DSCAML1: variants seen among roughly 807,000 people sequenced by gnomAD.
DSCAML1 encodes DS cell adhesion molecule like 1.
DSCAML1 carries 38 observed loss-of-function variants against 200.5 expected under a neutral mutation model. The observed-to-expected ratio is 0.19, with a 90% confidence interval of 0.15 to 0.25. DSCAML1 has a LOEUF of 0.25. DSCAML1 is among the 10% of genes least tolerant of loss of function. DSCAML1 has a pLI of 1.00. For missense variants in DSCAML1, 2,223 were observed against 2,858.8 expected (o/e 0.78, Z 5.07); for synonymous variants, 1,215 against 1,165.0 (o/e 1.04, Z -0.87).
At chr11:117,478,572 G>A (rs78106373) in intron 14 of DSCAML1, among the ~76,000 whole-genome samples, 2,188 of 152,232 alleles carry the variant, frequency 0.014, 35 homozygotes, top group East Asian at 0.065. Context: ...AGTCTCCCCC[G>A]GGAGCTCAGA....
At chr11:117,664,043 TGGCTCCCAGC>T (rs1350548882) in intron 3 of DSCAML1, among the ~76,000 whole-genome samples, 1 of 152,084 alleles carries the variant, frequency 6.6e-6, no homozygotes. Flanking sequence ...GAAAATGCCG[TGGCTCCCAGC>T]AGCCGGGAGG....
At chr11:117,614,796 C>A (rs918747114) in intron 3 of DSCAML1, among the ~76,000 whole-genome samples, 2 of 152,146 alleles carry the variant, frequency 1.3e-5, no homozygotes, top group African/African-American at 4.8e-5. Context: ...GGGAAGTTGA[C>A]CTGCAACAAT....
At chr11:117,750,499 A>G (rs531610568) in intron 3 of DSCAML1, among the ~76,000 whole-genome samples, 1 of 152,152 alleles carries the variant, frequency 6.6e-6, no homozygotes, top group Non-Finnish European at 1.5e-5. Flanking sequence ...TTGGGCAGAG[A>G]AGGATAAACA....
At chr11:117,703,992 G>A (rs1045468639) in intron 3 of DSCAML1, among the ~76,000 whole-genome samples, 1 of 152,154 alleles carries the variant, frequency 6.6e-6, no homozygotes, top group African/African-American at 2.4e-5. Context: ...GAAAATGAGA[G>A]TTTGGAGATT....
At chr11:117,614,425 T>G (rs1402387382) in intron 3 of DSCAML1, among the ~76,000 whole-genome samples, 1 of 152,120 alleles carries the variant, frequency 6.6e-6, no homozygotes, top group Non-Finnish European at 1.5e-5. Context: ...GTGTGGCCAT[T>G]TGGATTTTTA....
chr11:117,685,383 C>T (rs573497812), intron 3 of DSCAML1, among the ~76,000 whole-genome samples: 85 of 152,316 alleles, frequency 5.6e-4, no homozygotes, highest in African/African-American at 1.9e-3. Context: ...TTCCTTACCT[C>T]CTCTCCCTAC....
intron 3 of DSCAML1, among the ~76,000 whole-genome samples, chr11:117,537,664 C>A (rs571631421): frequency 6.6e-6 from 1 of 152,258 alleles, no homozygotes; most frequent in Non-Finnish European, 1.5e-5. Context: ...TAGATTGAGC[C>A]CTGAGTTCTA....
intron 4 of DSCAML1, among the ~76,000 whole-genome samples, chr11:117,531,182 A>T (rs1286079660): frequency 1.3e-5 from 2 of 152,148 alleles, no homozygotes; most frequent in East Asian, 1.9e-4. Context: ...TGACCTCAGC[A>T]TGGGTATGGG....
rs148493811 is a variant in DSCAML1 at position 117,554,074 on chromosome 11, T to G, written c.512-21552A>C. ...ACACAAAGGGACAAATACTGTATGATTCTACTTATGTGAGGTCCCTAGAGT... is the reference window on the plus strand; with the variant it reads ...ACACAAAGGGACAAATACTGTATGAGTCTACTTATGTGAGGTCCCTAGAGT... On this transcript the variant is annotated intron_variant, in intron 3 of 32. Coordinates refer to ENST00000651296, the MANE Select transcript of DSCAML1 (RefSeq NM_020693.4). Among the ~76,000 whole-genome samples, 388 of 152,380 alleles carry G rather than the reference T, an allele frequency of 2.5e-3. 3 individuals are homozygous for G. Among genetic ancestry groups the G allele is most frequent in the African/African-American group, 9.0e-3 (376 of 41,584 alleles).
chr11:117,758,095 A>G (rs12282602), intron 3 of DSCAML1, among the ~76,000 whole-genome samples: 8,342 of 152,106 alleles, frequency 0.055, 280 homozygotes, highest in Non-Finnish European at 0.069. Context: ...AAGGTCAGGA[A>G]TTCAAGACCA....
chr11:117,509,302 G>A (rs1251556748), intron 8 of DSCAML1, among the ~76,000 whole-genome samples: 2 of 152,098 alleles, frequency 1.3e-5, no homozygotes, highest in Non-Finnish European at 1.5e-5. Context: ...CTGAGCCAAG[G>A]GGCTGTCATT....
chr11:117,781,161 C>T (rs1034165156), intron 1 of DSCAML1, among the ~76,000 whole-genome samples: 4 of 151,756 alleles, frequency 2.6e-5, no homozygotes, highest in Admixed American at 1.3e-4. Flanking sequence ...GCCGTGCACA[C>T]GCGTCTGTAG....
chr11:117,763,333 T>C (rs138175907), intron 3 of DSCAML1, among the ~76,000 whole-genome samples: 174 of 152,016 alleles, frequency 1.1e-3, no homozygotes, highest in African/African-American at 4.0e-3. Flanking sequence ...TAAAGCTCCC[T>C]GTGTGATCCC....
upstream of DSCAML1, chr11:117,801,426 G>A (rs551622349): frequency 2.6e-5 from 4 of 152,346 alleles, no homozygotes; most frequent in East Asian, 5.8e-4. Context: ...TGCAGGCAGA[G>A]AAACAGAAGC....
At chr11:117,769,552 A>ATATATTTTATATATTTTATATATATTT in intron 3 of DSCAML1, among the ~76,000 whole-genome samples, 1 of 67,880 alleles carries the variant, frequency 1.5e-5, no homozygotes, top group Admixed American at 2.1e-4. Flanking sequence ...TATATTTTAT[A>ATATATTTTATATATTTTATATATATTT]TATATATTTT....
chr11:117,557,004 T>C (rs1350103429), intron 3 of DSCAML1, among the ~76,000 whole-genome samples: 1 of 152,164 alleles, frequency 6.6e-6, no homozygotes, highest in African/African-American at 2.4e-5. Flanking sequence ...TGGAGATGGA[T>C]GCAGGGAAGG....
intron 1 of DSCAML1, among the ~76,000 whole-genome samples, chr11:117,803,771 C>A (rs1009266179): frequency 6.6e-6 from 1 of 152,240 alleles, no homozygotes; most frequent in Admixed American, 6.5e-5. Context: ...GCTGTTCACA[C>A]AGAAGCCCCC....
chr11:117,557,142 A>G (rs555371236), intron 3 of DSCAML1, among the ~76,000 whole-genome samples: 21 of 152,178 alleles, frequency 1.4e-4, no homozygotes, highest in Non-Finnish European at 2.4e-4. Flanking sequence ...AGATGCCCGT[A>G]GTTAGTCTAT....
At chr11:117,796,796 CA>C (rs1425400806) in intron 1 of DSCAML1, among the ~76,000 whole-genome samples, 1 of 152,174 alleles carries the variant, frequency 6.6e-6, no homozygotes, top group Non-Finnish European at 1.5e-5. Flanking sequence ...CCTTTGCCAC[CA>C]CCCCTACGGG....
Sources: gnomAD v4.1 joint callset for allele counts (sites outside exome capture counted in the v4.1 genomes callset) on GRCh38, gnomAD v4.1.1 for gene constraint, MANE v1.5 for transcripts, NCBI Gene and HGNC (gene_info 2026-07-23, HGNC 2026-07-21) for gene names.